Variants in MPHOSPH10 observed in about 807,000 individuals in gnomAD.
MPHOSPH10 encodes U3 small nucleolar ribonucleoprotein MPP10.
In MPHOSPH10, 33 loss-of-function variants were observed where a neutral mutation model predicts 77.3. The observed-to-expected ratio is 0.43, with a 90% CI of 0.32 to 0.57. The LOEUF is 0.57. Among genes scored for constraint, MPHOSPH10 ranks in the 20% least tolerant of loss-of-function variants. The pLI is 0.07. For synonymous variants in MPHOSPH10, 245 were observed against 268.0 expected, an observed-to-expected ratio of 0.91 and a Z score of 0.84; for missense variants, 708 against 780.1, an observed-to-expected ratio of 0.91 and a Z score of 1.10.
chr2:71,145,509 G>GT (rs34190822), intron 8 of MPHOSPH10, among the ~76,000 whole-genome samples: 28,467 of 147,828 alleles, frequency 0.19, 2,839 homozygotes, highest in Admixed American at 0.25. Flanking sequence ...TGTTTGTTTG[G>GT]TTTTTTTTTT....
In MPHOSPH10 at chr2:71,133,157, G is replaced by A; in HGVS notation, c.349G>A (p.Glu117Lys). 6.2e-7 allele frequency: 1 copy of A among 1,614,168 alleles called. No homozygotes were observed. Among genetic ancestry groups the A allele is most frequent in the Non-Finnish European group, 8.5e-7 (1 of 1,180,020 alleles). The change falls in exon 2 of 11, where the codon GAG (glutamate) becomes AAG (lysine). Residue 117 changes from glutamate to lysine, a missense_variant. This residue lies in a region of MPHOSPH10 where 433 missense variants were observed against 432.6 expected (regional missense o/e 1.00). Transcript: ENST00000244230. ...AGAGAGTGAAGAACAGGAACGTGAA[G>A]AGGATGGTTCAGAGATAGAGGCTGA... is the stretch of plus-strand genomic sequence containing the variant. Reference protein sequence around the residue: ...LPESEEQEREEDGSEIEADDK... With the variant: ...LPESEEQEREKDGSEIEADDK...
intron 8 of MPHOSPH10, among the ~76,000 whole-genome samples, chr2:71,145,265 C>T (rs1673684643): frequency 6.6e-6 from 1 of 152,122 alleles, no homozygotes; most frequent in African/African-American, 2.4e-5. Flanking sequence ...CCCTTTGGTG[C>T]CTGTGTTGTT....
intron 7 of MPHOSPH10, among the ~76,000 whole-genome samples, chr2:71,142,292 G>T (rs367797473): frequency 1.3e-5 from 2 of 152,174 alleles, no homozygotes; most frequent in East Asian, 1.9e-4. Flanking sequence ...GAACTGAAAA[G>T]ATTTGAATTA....
chr2:71,141,891 G>A (rs537475678), intron 7 of MPHOSPH10, among the ~76,000 whole-genome samples: 1 of 152,048 alleles, frequency 6.6e-6, no homozygotes, highest in Non-Finnish European at 1.5e-5. Flanking sequence ...AATTAGACGG[G>A]CGTGGTGGCA....
rs756517390 is a variant in MPHOSPH10 at position 71,149,995 on chromosome 2, G to C, written c.2026G>C (p.Val676Leu). ...AAAGAAGAAAAGACAGGATATTTCT[G>C]TTCATAAATTAAAGCTGTAATATAT... ...KKKKKRQDIS[V>L]HKLKL The change falls in exon 11 of 11, where the codon GTT (valine) becomes CTT (leucine). Residue 676 changes from valine to leucine, a missense_variant. Val to Leu is a conservative substitution (Grantham distance 32). Around this residue, in one of 3 missense-constraint regions of MPHOSPH10, gnomAD observed 263 missense variants for 320.0 expected, o/e 0.82. Transcript: ENST00000244230. 7.2e-7 allele frequency: 1 copy of C among 1,386,780 alleles called. No individual in the cohort carries two copies. Among genetic ancestry groups the C allele is most frequent in the South Asian group, 1.3e-5 (1 of 74,906 alleles). The allele number at this position is 1,386,780 out of a possible 1,614,324, so 85.9% of individuals were successfully genotyped here. A position where few individuals can be genotyped will look rare whatever the true frequency, so the allele number is the denominator to read the frequency against.
At chr2:71,132,810 CAA>C (rs1436811122) in intron 1 of MPHOSPH10, 86 bp from the exon 2 acceptor site, 1 of 1,447,638 alleles carries the variant, frequency 6.9e-7, no homozygotes, top group African/African-American at 1.4e-5. Context: ...TTTTATTTTA[CAA>C]AAGAGTTGGG....
chr2:71,136,961 G>C (rs144040979), intron 4 of MPHOSPH10, among the ~76,000 whole-genome samples: 51 of 111,620 alleles, frequency 4.6e-4, no homozygotes, highest in East Asian at 1.1e-3. Flanking sequence ...CACACACACA[G>C]AGCACAGTCT....
chr2:71,146,617 C>T (rs984569826), intron 8 of MPHOSPH10, among the ~76,000 whole-genome samples: 2 of 152,106 alleles, frequency 1.3e-5, no homozygotes, highest in East Asian at 1.9e-4. Context: ...GGATTACAGG[C>T]GTGAGTTACC....
At chr2:71,148,448 C>T (rs1003481765) in intron 9 of MPHOSPH10, 4 of 194,214 alleles carry the variant, frequency 2.1e-5, no homozygotes, top group Non-Finnish European at 4.3e-5. Flanking sequence ...TTAGTGTCAG[C>T]ATTTCCCCCT....
intron 4 of MPHOSPH10, among the ~76,000 whole-genome samples, chr2:71,136,702 C>G (rs1673498026): frequency 6.6e-6 from 1 of 151,942 alleles, no homozygotes; most frequent in Non-Finnish European, 1.5e-5. Flanking sequence ...CCTTCCACCC[C>G]ACTCCTCCCG....
chr2:71,136,522 TA>T (rs886488585), intron 4 of MPHOSPH10, among the ~76,000 whole-genome samples: 17 of 143,548 alleles, frequency 1.2e-4, no homozygotes, highest in South Asian at 2.2e-4. Flanking sequence ...CTGAAAAAAT[TA>T]AAAAAAAAAA....
In MPHOSPH10 at chr2:71,149,228, A is replaced by C. The variant is rs1313891338; in HGVS notation, c.1671A>C (p.Lys557Asn). ...GGTGGTTATTTTTTTAATAGGAGAAAAATAAAGCTGGAGATATAAAAACAG... is the reference window on the plus strand; with the variant it reads ...GGTGGTTATTTTTTTAATAGGAGAACAATAAAGCTGGAGATATAAAAACAG... The part of the protein sequence containing the change: ...ALLAPEEIKE[K>N]NKAGDIKTAA... Residue 557 changes from lysine (K) to asparagine (N), a missense_variant, in exon 10 of 11, where the codon AAA (lysine) becomes AAC (asparagine). This residue lies in a region of MPHOSPH10 where 263 missense variants were observed against 320.0 expected (regional missense o/e 0.82). Transcript: ENST00000244230. The C allele has an allele frequency of 2.6e-6, 4 of 1,549,084 alleles. No homozygotes were observed. The East Asian group carries it at 9.6e-5, about 37-fold the overall frequency.
rs369136331 is a variant in MPHOSPH10, at chr2:71,137,305, T to C, written c.1099-1185T>C. ...AGATGTCCAGTATTACAATTACCAC[T>C]GTTGATTAACATTCTTTTAGACGCA... is the stretch of plus-strand genomic sequence containing the variant. On this transcript the variant is annotated intron_variant, in intron 4 of 10. Transcript: ENST00000244230. 3.9e-5 allele frequency among the ~76,000 whole-genome samples: 6 copies of C among 152,274 alleles called. No individual in the cohort carries two copies. The South Asian group carries it at 1.0e-3, about 26-fold the overall frequency.
chr2:71,148,188 G>T, intron 9 of MPHOSPH10, 82 bp downstream of exon 9: 1 of 1,206,168 alleles, frequency 8.3e-7, no homozygotes. Flanking sequence ...GACGTCATTT[G>T]CCTTGCACTT....
chr2:71,133,727 C>T, intron 2 of MPHOSPH10, 151 bp downstream of exon 2: 5 of 997,490 alleles, frequency 5.0e-6, no homozygotes, highest in Non-Finnish European at 7.1e-6. Context: ...TACTTCCATT[C>T]AATTTATGTT....
At position 71,133,986 on chromosome 2, in the gene MPHOSPH10, T is replaced by G; in HGVS notation, c.807T>G (p.Phe269Leu). ...CCAGAAATCTGAAATACAAAGATTT[T>G]TTTGATCCAGTTGAAAGTGATGAAG... is the stretch of plus-strand genomic sequence containing the variant. ...KSSRNLKYKD[F>L]FDPVESDEDI... The change falls in exon 3 of 11, where the codon TTT becomes TTG. Residue 269 changes from phenylalanine to leucine, a missense_variant. This residue lies in a region of MPHOSPH10 where 433 missense variants were observed against 432.6 expected (regional missense o/e 1.00). Coordinates refer to ENST00000244230, the MANE Select transcript of MPHOSPH10 (RefSeq NM_005791.3). 6.3e-7 allele frequency: 1 copy of G among 1,590,836 alleles called. No individual in the cohort carries two copies. The highest frequency in any genetic ancestry group is 2.3e-5 in the East Asian group (1 of 44,396).
At chr2:71,148,547 C>T (rs1572902174) in intron 9 of MPHOSPH10, 1 of 163,346 alleles carries the variant, frequency 6.1e-6, no homozygotes, top group East Asian at 1.7e-4. Flanking sequence ...ATATCAAATG[C>T]AGCAATCCCT....
chr2:71,138,774 C>A (rs560264103), intron 5 of MPHOSPH10, 143 bp downstream of exon 5: 3 of 1,181,220 alleles, frequency 2.5e-6, no homozygotes, highest in Non-Finnish European at 3.7e-6. Context: ...GTAGCTCACA[C>A]CTGTAATCCC....
At chr2:71,146,334 C>CTTTTTTTTTTT (rs778705527) in intron 8 of MPHOSPH10, among the ~76,000 whole-genome samples, 4 of 107,336 alleles carry the variant, frequency 3.7e-5, no homozygotes, top group Non-Finnish European at 5.4e-5. Flanking sequence ...TTTTTTGTGG[C>CTTTTTTTTTTT]TTTTTTTTTT....
Sources: gnomAD v4.1 joint callset for allele counts (sites outside exome capture counted in the v4.1 genomes callset) on GRCh38, gnomAD v4.1.1 for gene constraint, gnomAD v4.1.1 regional missense constraint, MANE v1.5 for transcripts, NCBI Gene and HGNC (gene_info 2026-07-23, HGNC 2026-07-21) for gene names.